The following SMAD5 variants were observed in gnomAD, a reference collection of about 807,000 sequenced individuals.
SMAD5 encodes the protein MAD, mothers against decapentaplegic homolog 5.
SMAD5 carries 9 observed loss-of-function variants against 43.1 expected under a neutral mutation model. The ratio of observed to expected loss-of-function variants is 0.21; its 90% CI spans 0.13 to 0.36. The LOEUF is 0.36. Ranked by LOEUF, SMAD5 falls within the 10% of genes least tolerant of loss-of-function variation. The pLI is 1.00. For missense variants in SMAD5, 348 were observed against 574.0 expected, an observed-to-expected ratio of 0.61 and a Z score of 4.02; for synonymous variants, 190 against 192.4, an observed-to-expected ratio of 0.99 and a Z score of 0.10.
intron 6 of SMAD5, among the ~76,000 whole-genome samples, chr5:136,173,268 A>G (rs142102954): frequency 6.6e-6 from 1 of 152,300 alleles, no homozygotes; most frequent in African/African-American, 2.4e-5. Context: ...ATACTGCAAT[A>G]AAATGTCAAA....
At chr5:136,145,497 T>C (rs1753230205) in intron 1 of SMAD5, among the ~76,000 whole-genome samples, 1 of 151,944 alleles carries the variant, frequency 6.6e-6, no homozygotes, top group Non-Finnish European at 1.5e-5. Flanking sequence ...ATAAAAATTT[T>C]AAGTTATAAG....
chr5:136,153,994 T>C lies in SMAD5; in HGVS notation c.234T>C (p.Val78=), dbSNP rs1047059504. The C allele has an allele frequency of 6.2e-7, 1 of 1,610,156 alleles. No individual in the cohort carries two copies. The highest frequency in any genetic ancestry group is 2.2e-5 in the East Asian group (1 of 44,856). The change falls in exon 3 of 8, where the codon GTT becomes GTC. Residue 78 remains valine (V), a synonymous_variant. Transcript: ENST00000545279. The stretch of plus-strand genomic sequence containing the variant: ...GATCTTTAGATGGACGCCTGCAGGT[T>C]TCTCACAGAAAAGGCTTACCCCATG... ...IPRSLDGRLQ[V]SHRKGLPHVI...
At chr5:136,142,417 C>T (rs1326199988) in intron 1 of SMAD5, among the ~76,000 whole-genome samples, 1 of 152,022 alleles carries the variant, frequency 6.6e-6, no homozygotes, top group Non-Finnish European at 1.5e-5. Context: ...GCTGAGGTAC[C>T]ACTGCATCTC....
chr5:136,144,735 C>CT (rs1270478369), intron 1 of SMAD5, among the ~76,000 whole-genome samples: 1 of 151,764 alleles, frequency 6.6e-6, no homozygotes, highest in Non-Finnish European at 1.5e-5. Flanking sequence ...GCCAGATTGT[C>CT]TAGGGCATTA....
intron 1 of SMAD5, among the ~76,000 whole-genome samples, chr5:136,145,377 C>G (rs1314593394): frequency 6.6e-6 from 1 of 151,878 alleles, no homozygotes; most frequent in African/African-American, 2.4e-5. Context: ...AAACAGGCAC[C>G]AGTATCAAAA....
At chr5:136,134,645 T>C (rs930325342) in intron 1 of SMAD5, 2 of 152,254 alleles carry the variant, frequency 1.3e-5, no homozygotes, top group African/African-American at 4.8e-5. Context: ...GTGAAAATTG[T>C]AAAAATGCAA....
intron 1 of SMAD5, among the ~76,000 whole-genome samples, chr5:136,138,108 G>A (rs1297776875): frequency 6.6e-6 from 1 of 152,194 alleles, no homozygotes; most frequent in African/African-American, 2.4e-5. Context: ...CTCTGTGGGG[G>A]TGAGTGATAC....
intron 5 of SMAD5, among the ~76,000 whole-genome samples, chr5:136,167,846 A>G (rs1754074049): frequency 6.6e-6 from 1 of 150,760 alleles, no homozygotes; most frequent in Non-Finnish European, 1.5e-5. Flanking sequence ...TTACTCTTAC[A>G]TTTTCCTTGG....
At chr5:136,155,309 T>C (rs1304620130) in intron 3 of SMAD5, among the ~76,000 whole-genome samples, 1 of 152,190 alleles carries the variant, frequency 6.6e-6, no homozygotes, top group Non-Finnish European at 1.5e-5. Flanking sequence ...AAATCCTATA[T>C]TTAAAATATG....
intron 1 of SMAD5, chr5:136,134,258 G>A (rs1475179237): frequency 6.6e-6 from 1 of 152,622 alleles, no homozygotes; most frequent in East Asian, 1.9e-4. Context: ...CCTCACAGAA[G>A]TTGAGAGGAA....
intron 1 of SMAD5, chr5:136,133,933 G>T (rs1186864805): frequency 6.5e-6 from 1 of 153,656 alleles, no homozygotes; most frequent in Non-Finnish European, 1.5e-5. Flanking sequence ...GATGGCATTG[G>T]AGAATGGGGC....
chr5:136,140,548 GC>G lies in SMAD5; in HGVS notation c.-244-7282del, dbSNP rs139314920. On this transcript the variant is annotated intron_variant, in intron 1 of 7. Coordinates refer to ENST00000545279, the MANE Select transcript of SMAD5 (RefSeq NM_005903.7). ...GCTCCTACCTTAGGATCTTTGCATTGCCTGTTGCCTTTACCTGTAATGGTTT... is the reference window on the plus strand; with the variant it reads ...GCTCCTACCTTAGGATCTTTGCATTGCTGTTGCCTTTACCTGTAATGGTTT... Among the ~76,000 whole-genome samples, 340 of 152,026 alleles carry G rather than the reference GC, an allele frequency of 2.2e-3. 2 individuals are homozygous for G. Among genetic ancestry groups the G allele is most frequent in the African/African-American group, 7.4e-3 (306 of 41,446 alleles).
chr5:136,173,841 G>A (rs1416280193), intron 6 of SMAD5, among the ~76,000 whole-genome samples: 2 of 151,136 alleles, frequency 1.3e-5, no homozygotes, highest in African/African-American at 4.8e-5. Flanking sequence ...CTCACATCTT[G>A]CAAAGGAACA....
At chr5:136,137,149 C>G (rs1265702030) in intron 1 of SMAD5, among the ~76,000 whole-genome samples, 1 of 149,786 alleles carries the variant, frequency 6.7e-6, no homozygotes, top group Non-Finnish European at 1.5e-5. Context: ...TGATATTTTG[C>G]AAGAAAGAGT....
chr5:136,142,720 C>G (rs984866174), intron 1 of SMAD5, among the ~76,000 whole-genome samples: 1 of 152,110 alleles, frequency 6.6e-6, no homozygotes, highest in Non-Finnish European at 1.5e-5. Context: ...ACCTTCCTGT[C>G]TGTTCAATTA....
At chr5:136,175,440 G>A (rs1194823850) in intron 7 of SMAD5, among the ~76,000 whole-genome samples, 1 of 152,016 alleles carries the variant, frequency 6.6e-6, no homozygotes, top group African/African-American at 2.4e-5. Context: ...AAAAGTAATG[G>A]CAGAAGCCAC....
chr5:136,140,041 G>A (rs1008441234), intron 1 of SMAD5, among the ~76,000 whole-genome samples: 43 of 70,522 alleles, frequency 6.1e-4, no homozygotes, highest in African/African-American at 2.3e-3. Flanking sequence ...TTTTTTTTTT[G>A]AGATGAAGTC....
chr5:136,157,236 G>A (rs900638779), intron 3 of SMAD5, among the ~76,000 whole-genome samples: 1 of 152,026 alleles, frequency 6.6e-6, no homozygotes, highest in Admixed American at 6.6e-5. Flanking sequence ...AGTAAGTTTT[G>A]CAAAAAGATA....
rs1754647762 is a variant in SMAD5, at chr5:136,182,134, T to C, written c.*4654T>C. The C allele has an allele frequency of 6.6e-6, 1 of 152,100 alleles. No individual in the cohort carries two copies. Among genetic ancestry groups the C allele is most frequent in the East Asian group, 1.9e-4 (1 of 5,192 alleles). 9.4% of individuals were successfully genotyped at this position (152,100 alleles called of 1,614,324 possible). ...GTACAGAATTTTGTGTACAGGTAGA[T>C]TTTTCCGTCCCTCATTAATAGTGCC... On this transcript the variant is annotated 3_prime_UTR_variant, in exon 8 of 8. Coordinates refer to ENST00000545279, the MANE Select transcript of SMAD5 (RefSeq NM_005903.7).
Sources: allele counts gnomAD v4.1 joint callset (sites outside exome capture counted in the v4.1 genomes callset), GRCh38; gene constraint gnomAD v4.1.1; transcripts MANE v1.5; gene names NCBI Gene and HGNC (gene_info 2026-07-23, HGNC 2026-07-21).